RECK: variants seen among roughly 807,000 people sequenced by gnomAD.
RECK encodes reversion inducing cysteine rich protein with kazal motifs, also known as reversion-inducing cysteine-rich protein with Kazal motifs.
In RECK, 69 loss-of-function variants were observed where a neutral mutation model predicts 115.1. The observed-to-expected ratio is 0.60, with a 90% CI of 0.49 to 0.73. The LOEUF (loss-of-function observed/expected upper bound fraction) is 0.73, where lower values mean the gene tolerates loss of function less well. Among genes scored for constraint, RECK ranks in the 30% least tolerant of loss-of-function variants. The pLI is 0.00. For synonymous variants in RECK, 414 were observed against 419.7 expected (o/e 0.99, Z 0.17); for missense variants, 1,047 against 1,203.7 (o/e 0.87, Z 1.93).
At chr9:36,037,382 C>T (rs1422592000) in intron 1 of RECK, among the ~76,000 whole-genome samples, 1 of 151,840 alleles carries the variant, frequency 6.6e-6, no homozygotes. Context: ...CCTTCGCTTG[C>T]CTCTGCTGCT....
chr9:36,070,994 T>C (rs535120690), intron 6 of RECK, among the ~76,000 whole-genome samples: 1 of 152,328 alleles, frequency 6.6e-6, no homozygotes, highest in African/African-American at 2.4e-5. Context: ...ATGGGGTTCA[T>C]GAATGTGTTG....
intron 1 of RECK, among the ~76,000 whole-genome samples, chr9:36,037,980 A>G (rs924838108): frequency 1.4e-5 from 2 of 143,836 alleles, no homozygotes; most frequent in African/African-American, 5.2e-5. Flanking sequence ...CATTGCTTAC[A>G]GGGAGACAGG....
chr9:36,049,455 G>A (rs915265297), intron 1 of RECK, among the ~76,000 whole-genome samples: 3 of 151,690 alleles, frequency 2.0e-5, no homozygotes, highest in African/African-American at 7.3e-5. Flanking sequence ...GGCCACACTG[G>A]AAGAATTGTC....
chr9:36,070,694 A>G (rs937888442), intron 6 of RECK, among the ~76,000 whole-genome samples: 3 of 152,152 alleles, frequency 2.0e-5, no homozygotes, highest in African/African-American at 7.2e-5. Flanking sequence ...GATTTTTGCA[A>G]CAGACAGGAG....
In RECK at chr9:36,036,965, G is replaced by A; in HGVS notation, c.-34G>A. 1 of 1,366,272 alleles carries A rather than the reference G, an allele frequency of 7.3e-7. No individual in the cohort carries two copies. Among genetic ancestry groups the A allele is most frequent in the Non-Finnish European group, 9.5e-7 (1 of 1,049,540 alleles). The allele number at this position is 1,366,272 out of a possible 1,614,324, so 84.6% of individuals were successfully genotyped here. A position where few individuals can be genotyped will look rare whatever the true frequency, so the allele number is the denominator to read the frequency against. On this transcript the variant is annotated 5_prime_UTR_variant, in exon 1 of 21. Transcript: ENST00000377966. ...GCGGCTGCGGCCAAGCTGGGTCCGAGCATCCCGCGGCTCTGGAGCCGCCCG... is the reference window on the plus strand; with the variant it reads ...GCGGCTGCGGCCAAGCTGGGTCCGAACATCCCGCGGCTCTGGAGCCGCCCG...
At position 36,103,518 on chromosome 9, in the gene RECK, G is replaced by A. The variant is rs1042295997; in HGVS notation, c.1435+1288G>A. 5.3e-5 allele frequency among the ~76,000 whole-genome samples: 8 copies of A among 152,328 alleles called. No individual in the cohort carries two copies. In the South Asian group the frequency reaches 1.4e-3, roughly 28 times the overall value. On this transcript the variant is annotated intron_variant, in intron 12 of 20. Transcript: ENST00000377966. ...CAAACAACTTCTCCCTAGTCACACT[G>A]TCCATCCCTAGTTGTAAGGAAAACT... is the stretch of plus-strand genomic sequence containing the variant.
At chr9:36,056,133 C>T (rs772771677) in intron 2 of RECK, among the ~76,000 whole-genome samples, 1 of 151,876 alleles carries the variant, frequency 6.6e-6, no homozygotes, top group South Asian at 2.1e-4. Context: ...ATTTAAATCT[C>T]CTTTTACTTT....
At chr9:36,088,007 TTTAA>T (rs747141958) in intron 9 of RECK, 46 bp downstream of exon 9, 1 of 1,445,064 alleles carries the variant, frequency 6.9e-7, no homozygotes, top group Middle Eastern at 1.8e-4. Flanking sequence ...AAAATGGCAT[TTTAA>T]TTAATGATTT....
Position 36,119,733 on chromosome 9 carries a change from C to A in RECK, c.2464+766C>A, listed in dbSNP as rs533573205. 5.9e-5 allele frequency among the ~76,000 whole-genome samples: 9 copies of A among 152,218 alleles called. No individual in the cohort carries two copies. The East Asian group carries it at 1.7e-3, about 29-fold the overall frequency. On this transcript the variant is annotated intron_variant, in intron 18 of 20. Coordinates refer to ENST00000377966, the MANE Select transcript of RECK (RefSeq NM_021111.3). ...ACCATGTTCTGAGGGAGGTGACAGA[C>A]CAAACATAAGTTGCCATGCAAATCT...
intron 19 of RECK, among the ~76,000 whole-genome samples, chr9:36,120,941 C>G (rs1824437810): frequency 6.6e-6 from 1 of 152,196 alleles, no homozygotes; most frequent in Non-Finnish European, 1.5e-5. Flanking sequence ...TTCCTCCCCC[C>G]TACACCCTGG....
chr9:36,083,208 G>A (rs1822798818), intron 7 of RECK, among the ~76,000 whole-genome samples, 157 bp from the exon 8 acceptor site: 2 of 152,224 alleles, frequency 1.3e-5, no homozygotes, highest in Non-Finnish European at 1.5e-5. Flanking sequence ...GTCCCCGTGA[G>A]TATACCTACA....
In RECK at chr9:36,121,578, A is replaced by G. The variant is rs779488539; in HGVS notation, c.2584A>G (p.Ile862Val). 4 of 1,613,988 alleles carry G rather than the reference A, an allele frequency of 2.5e-6. No individual in the cohort carries two copies. The African/African-American group carries it at 4.0e-5, about 16-fold the overall frequency. ...AACAGTTCTGGAAATACTTCAGAAAATCCGCATGCACGTGTCTGTCCCACA... is the reference window on the plus strand; with the variant it reads ...AACAGTTCTGGAAATACTTCAGAAAGTCCGCATGCACGTGTCTGTCCCACA... ...PITVLEILQK[I>V]RMHVSVPQCD... The change falls in exon 20 of 21, where the codon ATC becomes GTC. Residue 862 changes from isoleucine to valine, a missense_variant. Transcript: ENST00000377966.
chr9:36,110,081 T>G lies in RECK; in HGVS notation c.1888+2T>G. The stretch of plus-strand genomic sequence containing the variant: ...AAGATGACCGTCGTACCTTCACAGG[T>G]GACTGTGATCGCCCAGAGTCTGTCC... On this transcript the variant is annotated splice_donor_variant, in intron 15 of 20. Transcript: ENST00000377966. LOFTEE classifies it high-confidence loss of function. The G allele has an allele frequency of 6.3e-7, 1 of 1,597,036 alleles. No individual in the cohort carries two copies. The highest frequency in any genetic ancestry group is 8.6e-7 in the Non-Finnish European group (1 of 1,165,628).
intron 4 of RECK, among the ~76,000 whole-genome samples, chr9:36,061,829 A>G (rs1020560025): frequency 6.6e-5 from 10 of 152,178 alleles, no homozygotes; most frequent in East Asian, 5.8e-4. Context: ...TTTTTGGTCA[A>G]TTTTTATAAT....
chr9:36,060,251 C>G, intron 4 of RECK, 96 bp downstream of exon 4: 1 of 1,235,488 alleles, frequency 8.1e-7, no homozygotes, highest in Middle Eastern at 1.9e-4. Flanking sequence ...AATTTATACT[C>G]TGGAGTTTCT....
intron 6 of RECK, 113 bp downstream of exon 6, chr9:36,065,737 A>G: frequency 1.2e-6 from 1 of 867,886 alleles, no homozygotes; most frequent in Non-Finnish European, 1.6e-6. Flanking sequence ...CTTTTACCTT[A>G]CAGAAAATTT....
Position 36,052,269 on chromosome 9 carries a change from A to G in RECK, c.105A>G (p.Ala35=). 6.2e-7 allele frequency: 1 copy of G among 1,602,628 alleles called. No homozygotes were observed. The highest frequency in any genetic ancestry group is 8.5e-7 in the Non-Finnish European group (1 of 1,169,818). The change falls in exon 2 of 21, where the codon GCA becomes GCG. Residue 35 remains alanine, a synonymous_variant. Coordinates refer to ENST00000377966, the MANE Select transcript of RECK (RefSeq NM_021111.3). ...AGGLAPGSAG[A]LCCNHSKDNQ... ...ATGTTTATTTTTTCTCCCTAGGTGC[A>G]TTGTGTTGTAATCATTCAAAGGATA...
At position 36,082,728 on chromosome 9, in the gene RECK, TCTCAATTTA is replaced by T. The variant is rs1379646968; in HGVS notation, c.440-636_440-628del. On this transcript the variant is annotated intron_variant, in intron 7 of 20. Coordinates refer to ENST00000377966, the MANE Select transcript of RECK (RefSeq NM_021111.3). Reference sequence around the variant, plus strand: ...CATATCAATTGTGAGATGAAGTCTATCTCAATTTAGGCAAACTCTTACAGATAGATGTTC... The same window carrying T: ...CATATCAATTGTGAGATGAAGTCTATGGCAAACTCTTACAGATAGATGTTC... Among the ~76,000 whole-genome samples the T allele has an allele frequency of 4.6e-5, 7 of 152,356 alleles. No individual in the cohort carries two copies. In the East Asian group the frequency reaches 1.3e-3, roughly 29 times the overall value.
At chr9:36,115,140 TC>T (rs1824209575) in intron 16 of RECK, among the ~76,000 whole-genome samples, 1 of 151,774 alleles carries the variant, frequency 6.6e-6, no homozygotes, top group African/African-American at 2.4e-5. Flanking sequence ...CATGGTGAAA[TC>T]CCATCTCTAC....
Sources: allele counts gnomAD v4.1 joint callset (sites outside exome capture counted in the v4.1 genomes callset), GRCh38; gene constraint gnomAD v4.1.1; transcripts MANE v1.5; gene names NCBI Gene and HGNC (gene_info 2026-07-23, HGNC 2026-07-21).